The following MTBP variants were observed in gnomAD, a reference collection of about 807,000 sequenced individuals.
The protein encoded by MTBP is MDM2 binding protein.
In MTBP, 101 loss-of-function variants were observed where a neutral mutation model predicts 117.0. The ratio of observed to expected loss-of-function variants is 0.86; its 90% CI spans 0.73 to 1.02. MTBP has a LOEUF of 1.02. MTBP is among the 50% of genes least tolerant of loss of function. The pLI is 0.00. For missense variants in MTBP, 970 were observed against 1,030.9 expected, an observed-to-expected ratio of 0.94 and a Z score of 0.81; for synonymous variants, 350 against 351.5, an observed-to-expected ratio of 1.00 and a Z score of 0.05.
intron 4 of MTBP, among the ~76,000 whole-genome samples, chr8:120,453,250 A>C (rs1367477123): frequency 2.0e-5 from 3 of 152,088 alleles, no homozygotes; most frequent in Non-Finnish European, 4.4e-5. Context: ...CAGGAGTTTG[A>C]GACCAGCTTG....
At position 120,455,485 on chromosome 8, in the gene MTBP, A is replaced by C. The variant is rs147929406; in HGVS notation, c.535A>C (p.Lys179Gln). Residue 179 changes from lysine (K) to glutamine (Q), a missense_variant, in exon 6 of 22, where the codon AAA becomes CAA. Transcript: ENST00000305949. Reference sequence around the variant, plus strand: ...GTTGCTTTCTGACAAAGATCCTCCTAAATTGAAAGACTATTTACCTACTGT... The same window carrying C: ...GTTGCTTTCTGACAAAGATCCTCCTCAATTGAAAGACTATTTACCTACTGT... ...ILLLSDKDPP[K>Q]LKDYLPTVGA... is the part of the protein sequence containing the mutation. 5.0e-6 allele frequency: 8 copies of C among 1,607,858 alleles called. No homozygotes were observed. The highest frequency in any genetic ancestry group is 6.0e-6 in the Non-Finnish European group (7 of 1,175,490).
At chr8:120,471,877 T>C (rs924522042) in intron 11 of MTBP, 9 of 152,110 alleles carry the variant, frequency 5.9e-5, no homozygotes, top group Non-Finnish European at 1.0e-4. Flanking sequence ...GTTCAAGATG[T>C]CTTTATCCAA....
At position 120,445,492 on chromosome 8, in the gene MTBP, G is replaced by C; in HGVS notation, c.22G>C (p.Val8Leu). 6.2e-7 allele frequency: 1 copy of C among 1,613,566 alleles called. No homozygotes were observed. The highest frequency in any genetic ancestry group is 8.5e-7 in the Non-Finnish European group (1 of 1,179,784). The part of the protein sequence containing the change: MDRYLLL[V>L]IWGEGKFPSA... Reference sequence around the variant, plus strand: ...GGAGATGGATCGGTACCTGCTGCTGGTGATCTGGGGGGAAGGAAAATTCCC... The same window carrying C: ...GGAGATGGATCGGTACCTGCTGCTGCTGATCTGGGGGGAAGGAAAATTCCC... Residue 8 changes from valine (V) to leucine (L), a missense_variant, in exon 1 of 22, where the codon GTG (valine) becomes CTG (leucine). By Grantham distance (32) the Val-to-Leu change is conservative (BLOSUM62 1). Coordinates refer to ENST00000305949, the MANE Select transcript of MTBP (RefSeq NM_022045.5).
rs1018934353 is a variant in MTBP at position 120,505,232 on chromosome 8, A to C, written c.1728-1474A>C. 3.9e-5 allele frequency among the ~76,000 whole-genome samples: 6 copies of C among 152,140 alleles called. No homozygotes were observed. In the East Asian group the frequency reaches 1.2e-3, roughly 29 times the overall value. ...CACGTCTCTCACTTATATTAATGTT[A>C]GGAGAAGGGAGAGCCGGGGTAGAGA... On this transcript the variant is annotated intron_variant, in intron 15 of 21. Coordinates refer to ENST00000305949, the MANE Select transcript of MTBP (RefSeq NM_022045.5).
At chr8:120,449,820 C>G (rs1011354836) in intron 2 of MTBP, among the ~76,000 whole-genome samples, 1 of 152,056 alleles carries the variant, frequency 6.6e-6, no homozygotes. Context: ...AACTAAAAAC[C>G]GCTAGATTTA....
At chr8:120,503,247 A>G (rs908637032) in intron 15 of MTBP, among the ~76,000 whole-genome samples, 12 of 152,286 alleles carry the variant, frequency 7.9e-5, no homozygotes, top group African/African-American at 2.6e-4. Context: ...TGAAACAGGC[A>G]TTTATTGAGT....
At chr8:120,485,758 A>G (rs1475247483) in intron 11 of MTBP, among the ~76,000 whole-genome samples, 4 of 152,014 alleles carry the variant, frequency 2.6e-5, no homozygotes, top group Non-Finnish European at 5.9e-5. Flanking sequence ...TTAATAATTT[A>G]TCTCCCCCCT....
intron 12 of MTBP, 97 bp downstream of exon 12, chr8:120,488,429 G>T: frequency 1.1e-6 from 1 of 915,810 alleles, no homozygotes; most frequent in Non-Finnish European, 1.5e-6. Flanking sequence ...AACATTTAAT[G>T]AATTTATTTT....
At chr8:120,477,695 A>G (rs1212583375) in intron 11 of MTBP, among the ~76,000 whole-genome samples, 6 of 152,254 alleles carry the variant, frequency 3.9e-5, no homozygotes, top group Non-Finnish European at 8.8e-5. Flanking sequence ...AATCAAAACC[A>G]CAATGAGATA....
At chr8:120,474,376 C>CA (rs1813889331) in intron 11 of MTBP, among the ~76,000 whole-genome samples, 1 of 151,808 alleles carries the variant, frequency 6.6e-6, no homozygotes, top group Non-Finnish European at 1.5e-5. Context: ...ATTGATGGAA[C>CA]TTTTTTTTGT....
At chr8:120,505,070 G>A (rs1016091726) in intron 15 of MTBP, among the ~76,000 whole-genome samples, 3 of 151,494 alleles carry the variant, frequency 2.0e-5, no homozygotes, top group African/African-American at 7.3e-5. Context: ...TTCTTCTGGT[G>A]TTTTTCTCTT....
At chr8:120,490,655 A>G in intron 13 of MTBP, 85 bp downstream of exon 13, 2 of 770,656 alleles carry the variant, frequency 2.6e-6, no homozygotes, top group Non-Finnish European at 4.1e-6. Flanking sequence ...ACACTTTTTC[A>G]TATATAGTTT....
intron 10 of MTBP, among the ~76,000 whole-genome samples, chr8:120,465,677 T>TTTTTA (rs398009617): frequency 7.6e-6 from 1 of 132,288 alleles, no homozygotes; most frequent in African/African-American, 3.0e-5. Context: ...TTTTTTTTTT[T>TTTTTA]GAGACGGAGT....
In MTBP at chr8:120,459,242, T is replaced by G; in HGVS notation, c.775T>G (p.Phe259Val). 6.2e-7 allele frequency: 1 copy of G among 1,609,654 alleles called. No homozygotes were observed. The highest frequency in any genetic ancestry group is 1.7e-5 in the Admixed American group (1 of 59,514). Residue 259 changes from phenylalanine (F) to valine (V), a missense_variant, in exon 8 of 22, where the codon TTT (phenylalanine) becomes GTT (valine). By Grantham distance (50) the Phe-to-Val change is conservative. Coordinates refer to ENST00000305949, the MANE Select transcript of MTBP (RefSeq NM_022045.5). ...KFGFEISFPE[F>V]CLKGVTLKNF... ...TGGATTTGAAATTAGTTTTCCTGAA[T>G]TTTGTTTAAAGGGAGTCACACTTAA...
At chr8:120,509,173 C>T (rs559322455) in intron 16 of MTBP, among the ~76,000 whole-genome samples, 1 of 152,116 alleles carries the variant, frequency 6.6e-6, no homozygotes, top group African/African-American at 2.4e-5. Flanking sequence ...CTGGGTCCCA[C>T]GTGTTTTAGT....
chr8:120,463,201 A>T lies in MTBP; in HGVS notation c.978-491A>T, dbSNP rs564282766. Among the ~76,000 whole-genome samples the T allele has an allele frequency of 5.3e-5, 8 of 152,334 alleles. No homozygotes were observed. In the South Asian group the frequency reaches 1.4e-3, roughly 28 times the overall value. ...AATGTTTCTCCTGCCATCAGCATGA[A>T]GAAACCTAAGAATCAGTCAGCTGAT... is the stretch of plus-strand genomic sequence containing the variant. On this transcript the variant is annotated intron_variant, in intron 9 of 21. Transcript: ENST00000305949.
intron 12 of MTBP, among the ~76,000 whole-genome samples, chr8:120,489,332 C>A (rs752818131): frequency 6.6e-6 from 1 of 152,102 alleles, no homozygotes; most frequent in African/African-American, 2.4e-5. Context: ...CCACTGCGCC[C>A]GGCCTAGGCT....
chr8:120,471,842 T>C (rs1472249358), intron 11 of MTBP: 1 of 152,160 alleles, frequency 6.6e-6, no homozygotes, highest in African/African-American at 2.4e-5. Flanking sequence ...CACTACACTG[T>C]GTTTCCACTC....
chr8:120,523,336 A>C lies in MTBP; in HGVS notation c.2715A>C (p.Ter905CysextTer31), dbSNP rs1217638352. 1 of 1,539,376 alleles carries C rather than the reference A, an allele frequency of 6.5e-7. No homozygotes were observed. Among genetic ancestry groups the C allele is most frequent in the Non-Finnish European group, 8.9e-7 (1 of 1,129,522 alleles). ...DWVLEKTSKK[*>C] ...TATTAGAAAAGACAAGCAAGAAATG[A>C]TACATAATCATTCTCTTTAAGACAA... is the stretch of plus-strand genomic sequence containing the variant. The change falls in exon 22 of 22, where the codon TGA becomes TGC. Residue 905 changes from the stop codon to cysteine, a stop_lost. Coordinates refer to ENST00000305949, the MANE Select transcript of MTBP (RefSeq NM_022045.5).
Sources: gnomAD v4.1 joint callset for allele counts (sites outside exome capture counted in the v4.1 genomes callset) on GRCh38, gnomAD v4.1.1 for gene constraint, MANE v1.5 for transcripts, NCBI Gene and HGNC (gene_info 2026-07-23, HGNC 2026-07-21) for gene names.